Variants in OGN observed in about 807,000 individuals in gnomAD.
OGN encodes the protein osteoglycin.
In OGN, 19 loss-of-function variants were observed where a neutral mutation model predicts 30.8. That is an observed-to-expected ratio of 0.62 (90% CI 0.43 to 0.90). The LOEUF (loss-of-function observed/expected upper bound fraction) is 0.90. Among genes scored for constraint, OGN ranks in the 40% least tolerant of loss-of-function variants. The pLI, the probability that OGN is intolerant of heterozygous loss-of-function variation, is 0.00. For synonymous variants in OGN, 126 were observed against 128.3 expected, an observed-to-expected ratio of 0.98 and a Z score of 0.12; for missense variants, 283 against 349.7, an observed-to-expected ratio of 0.81 and a Z score of 1.52.
intron 3 of OGN, among the ~76,000 whole-genome samples, chr9:92,398,656 G>T (rs1277617847): frequency 6.6e-6 from 1 of 151,626 alleles, no homozygotes; most frequent in Non-Finnish European, 1.5e-5. Context: ...ATTTACCATT[G>T]TTTATTCAAC....
chr9:92,393,462 A>G (rs532510157), intron 3 of OGN, among the ~76,000 whole-genome samples: 21 of 152,146 alleles, frequency 1.4e-4, no homozygotes, highest in Non-Finnish European at 2.5e-4. Context: ...TTTACTGGTG[A>G]TTGCTTAAAT....
intron 3 of OGN, among the ~76,000 whole-genome samples, chr9:92,396,183 C>G (rs1171135323): frequency 6.6e-6 from 1 of 152,106 alleles, no homozygotes; most frequent in East Asian, 1.9e-4. Flanking sequence ...TTCATGTTAG[C>G]CTGTTTCTGG....
intron 3 of OGN, among the ~76,000 whole-genome samples, chr9:92,393,621 A>G (rs1236231475): frequency 6.6e-6 from 1 of 152,222 alleles, no homozygotes; most frequent in Non-Finnish European, 1.5e-5. Flanking sequence ...TTTAGTAACC[A>G]CTAGTTAAGT....
At chr9:92,394,558 A>G (rs1842816282) in intron 3 of OGN, among the ~76,000 whole-genome samples, 1 of 148,334 alleles carries the variant, frequency 6.7e-6, no homozygotes. Context: ...ACCTATTTTG[A>G]TATATTTTAA....
chr9:92,399,089 T>C (rs898673776), intron 3 of OGN, among the ~76,000 whole-genome samples: 20 of 152,050 alleles, frequency 1.3e-4, no homozygotes, highest in Admixed American at 3.9e-4. Context: ...TTGGTTCTTA[T>C]GTCAAAAAGT....
At chr9:92,386,660 G>T (rs916464814) in intron 5 of OGN, among the ~76,000 whole-genome samples, 8 of 152,042 alleles carry the variant, frequency 5.3e-5, no homozygotes, top group Non-Finnish European at 1.0e-4. Flanking sequence ...TTTGACCCTG[G>T]TGCTGCCATA....
chr9:92,385,835 C>G (rs1290346137), intron 6 of OGN, 45 bp from the exon 7 acceptor site: 1 of 1,593,360 alleles, frequency 6.3e-7, no homozygotes, highest in South Asian at 1.1e-5. Flanking sequence ...CTGAAATCAA[C>G]CTTTCATATG....
intron 3 of OGN, among the ~76,000 whole-genome samples, chr9:92,398,181 A>G (rs1292706530): frequency 2.0e-5 from 3 of 152,210 alleles, no homozygotes; most frequent in Non-Finnish European, 1.5e-5. Context: ...GCCTGAAGGT[A>G]TATAGGAAAA....
At chr9:92,392,718 T>G (rs1842738234) in intron 4 of OGN, among the ~76,000 whole-genome samples, 1 of 152,238 alleles carries the variant, frequency 6.6e-6, no homozygotes, top group Non-Finnish European at 1.5e-5. Context: ...GCACTTTCTG[T>G]GTTTTTATAG....
At chr9:92,386,365 A>C in intron 5 of OGN, 69 bp from the exon 6 acceptor site, 1 of 896,222 alleles carries the variant, frequency 1.1e-6, no homozygotes, top group Non-Finnish European at 1.9e-6. Flanking sequence ...CAAGCAATAT[A>C]TATGTGCATA....
In OGN at chr9:92,385,632, C is replaced by G; in HGVS notation, c.885G>C (p.Gly295=). 6.2e-7 allele frequency: 1 copy of G among 1,613,924 alleles called. No homozygotes were observed. Among genetic ancestry groups the G allele is most frequent in the Non-Finnish European group, 8.5e-7 (1 of 1,179,916 alleles). ...GTACCAATAGAGGTTAAAAGTATGACCCTATCGGTAATCTTTTTAAGCAAA... is the reference window on the plus strand; with the variant it reads ...GTACCAATAGAGGTTAAAAGTATGAGCCTATCGGTAATCTTTTTAAGCAAA... ...SFICLKRLPI[G]SYF The change falls in exon 7 of 7, where the codon GGG becomes GGC. Residue 295 remains glycine (G), a synonymous_variant. Coordinates refer to ENST00000375561, the MANE Select transcript of OGN (RefSeq NM_014057.5).
intron 5 of OGN, among the ~76,000 whole-genome samples, chr9:92,388,388 C>T (rs1842523413): frequency 6.6e-6 from 1 of 152,034 alleles, no homozygotes; most frequent in African/African-American, 2.4e-5. Context: ...TCCTGACCTC[C>T]TGACCTCAAG....
intron 3 of OGN, among the ~76,000 whole-genome samples, chr9:92,396,637 C>T (rs1429038078): frequency 6.6e-6 from 1 of 150,720 alleles, no homozygotes; most frequent in African/African-American, 2.4e-5. Context: ...GATCATGGTT[C>T]ACTGCAAACC....
intron 3 of OGN, among the ~76,000 whole-genome samples, chr9:92,395,462 T>G (rs560687019): frequency 6.6e-6 from 1 of 152,334 alleles, no homozygotes; most frequent in South Asian, 2.1e-4. Flanking sequence ...TTTTCACTAT[T>G]TCAAAGAAAT....
At chr9:92,397,115 T>C (rs986393117) in intron 3 of OGN, among the ~76,000 whole-genome samples, 1 of 151,834 alleles carries the variant, frequency 6.6e-6, no homozygotes, top group Non-Finnish European at 1.5e-5. Context: ...AGGTCAAGAC[T>C]GCAGTGAGCC....
chr9:92,390,123 G>T, intron 4 of OGN, 67 bp from the exon 5 acceptor site: 1 of 918,052 alleles, frequency 1.1e-6, no homozygotes, highest in Non-Finnish European at 1.7e-6. Context: ...CTGAAGAAAA[G>T]CATTTGTTTA....
At chr9:92,396,610 G>T (rs2130913871) in intron 3 of OGN, among the ~76,000 whole-genome samples, 1 of 150,680 alleles carries the variant, frequency 6.6e-6, no homozygotes, top group African/African-American at 2.4e-5. Context: ...GTCACTCAGG[G>T]TGGGGTACAG....
Position 92,393,167 on chromosome 9 carries a change from G to A in OGN, c.346C>T (p.Pro116Ser), listed in dbSNP as rs760396322. The A allele has an allele frequency of 6.2e-7, 1 of 1,613,808 alleles. No individual in the cohort carries two copies. The highest frequency in any genetic ancestry group is 1.7e-5 in the Admixed American group (1 of 60,018). ...CEEVDIDAVP[P>S]LPKESAYLYA... Reference sequence around the variant, plus strand: ...AGATAGGCTGATTCCTTTGGTAAGGGTGGTACAGCATCAATGTCAACTTCT... The same window carrying A: ...AGATAGGCTGATTCCTTTGGTAAGGATGGTACAGCATCAATGTCAACTTCT... The change falls in exon 4 of 7, where the codon CCC becomes TCC. Residue 116 changes from proline (P) to serine (S), a missense_variant. Pro to Ser is a moderately conservative substitution (Grantham distance 74). Transcript: ENST00000375561.
At chr9:92,402,156 A>C (rs537908428) in intron 2 of OGN, among the ~76,000 whole-genome samples, 1 of 152,338 alleles carries the variant, frequency 6.6e-6, no homozygotes, top group South Asian at 2.1e-4. Flanking sequence ...AAATCATCCA[A>C]GTGAGCCAAT....
Sources: allele counts gnomAD v4.1 joint callset (sites outside exome capture counted in the v4.1 genomes callset), GRCh38; gene constraint gnomAD v4.1.1; transcripts MANE v1.5; gene names NCBI Gene and HGNC (gene_info 2026-07-23, HGNC 2026-07-21).